PAPOLA: variants seen among roughly 807,000 people sequenced by gnomAD.
The protein encoded by PAPOLA is polynucleotide adenylyltransferase alpha.
PAPOLA carries 15 observed loss-of-function variants against 100.6 expected under a neutral mutation model. That is an observed-to-expected ratio of 0.15 (90% CI 0.10 to 0.23). PAPOLA has a LOEUF of 0.23. Ranked by LOEUF, PAPOLA falls within the 10% of genes least tolerant of loss-of-function variation. The pLI, the probability that PAPOLA is intolerant of heterozygous loss-of-function variation, is 1.00. For missense variants in PAPOLA, 533 were observed against 884.2 expected (o/e 0.60, Z 5.04); for synonymous variants, 293 against 300.0 (o/e 0.98, Z 0.24).
At chr14:96,538,914 T>TTTA (rs1451248080) in intron 12 of PAPOLA, among the ~76,000 whole-genome samples, 2 of 152,040 alleles carry the variant, frequency 1.3e-5, no homozygotes, top group Non-Finnish European at 2.9e-5. Context: ...TGTGTAGGAT[T>TTTA]TTAAATCATG....
chr14:96,548,525 G>A (rs997740217), intron 16 of PAPOLA, among the ~76,000 whole-genome samples: 2 of 151,948 alleles, frequency 1.3e-5, no homozygotes, highest in African/African-American at 2.4e-5. Flanking sequence ...TACAAATTAC[G>A]TTTTTTCTTT....
At chr14:96,535,577 T>TA in intron 10 of PAPOLA, 2 of 1,035,204 alleles carry the variant, frequency 1.9e-6, no homozygotes, top group Non-Finnish European at 2.3e-6. Flanking sequence ...TGTTGTTGAA[T>TA]AAAGAAAAAC....
rs1296696580 is a variant in PAPOLA at position 96,566,123 on chromosome 14, A to G, written c.*1073A>G. The G allele has an allele frequency of 7.7e-6, 3 of 391,470 alleles. No homozygotes were observed. The highest frequency in any genetic ancestry group is 6.2e-5 in the African/African-American group (3 of 48,456). 24.2% of individuals were successfully genotyped at this position (391,470 alleles called of 1,614,324 possible). A position where few individuals can be genotyped will look rare whatever the true frequency, so the allele number is the denominator to read the frequency against. On this transcript the variant is annotated 3_prime_UTR_variant, in exon 22 of 22. Coordinates refer to ENST00000216277, the MANE Select transcript of PAPOLA (RefSeq NM_032632.5). ...TACACTCCACAGAACTCCTATCTAT[A>G]GTAAAATTGATTTTCAGTTTTAAAT...
In PAPOLA at chr14:96,565,640, A is replaced by G. The variant is rs555987441; in HGVS notation, c.*590A>G. ...AAATGAAACGTCAACTCTAGGGTAC[A>G]TTTGACATTGAAAGAATAGTTAGGA... On this transcript the variant is annotated 3_prime_UTR_variant, in exon 22 of 22. Transcript: ENST00000216277. The G allele has an allele frequency of 6.8e-5, 27 of 396,520 alleles. No individual in the cohort carries two copies. The highest frequency in any genetic ancestry group is 1.3e-3 in the Middle Eastern group (2 of 1,578). The allele number at this position is 396,520 out of a possible 1,614,324, so 24.6% of individuals were successfully genotyped here.
At chr14:96,503,619 A>G (rs1896497561) in intron 1 of PAPOLA, among the ~76,000 whole-genome samples, 1 of 152,086 alleles carries the variant, frequency 6.6e-6, no homozygotes, top group Non-Finnish European at 1.5e-5. Context: ...CTTTGAGACC[A>G]GGGACCGAGT....
intron 1 of PAPOLA, among the ~76,000 whole-genome samples, chr14:96,517,766 C>T (rs1342101467): frequency 4.0e-5 from 6 of 148,546 alleles, no homozygotes; most frequent in Non-Finnish European, 7.4e-5. Context: ...TGCAGTGGCA[C>T]GATCTTGGCT....
intron 1 of PAPOLA, among the ~76,000 whole-genome samples, chr14:96,508,050 AT>A (rs1320467994): frequency 3.3e-5 from 5 of 151,850 alleles, no homozygotes; most frequent in Admixed American, 3.3e-4. Context: ...TAATTTTTGT[AT>A]TTTTAGTAGA....
intron 9 of PAPOLA, chr14:96,534,004 T>C: frequency 1.0e-6 from 1 of 986,786 alleles, no homozygotes; most frequent in Non-Finnish European, 1.2e-6. Flanking sequence ...GAAAATGTGG[T>C]TATGCCACCA....
At chr14:96,534,889 A>G in intron 10 of PAPOLA, 9 of 1,047,216 alleles carry the variant, frequency 8.6e-6, no homozygotes, top group Non-Finnish European at 1.0e-5. Context: ...GGATACTAAA[A>G]ATCCCTGTAT....
In PAPOLA at chr14:96,555,958, T is replaced by G. The variant is rs960190010; in HGVS notation, c.1765+11T>G. 1.3e-6 allele frequency: 2 copies of G among 1,541,680 alleles called. No individual in the cohort carries two copies. The highest frequency in any genetic ancestry group is 2.2e-5 in the South Asian group (2 of 88,986). On this transcript the variant is annotated intron_variant, in intron 18 of 21. Coordinates refer to ENST00000216277, the MANE Select transcript of PAPOLA (RefSeq NM_032632.5). Reference sequence around the variant, plus strand: ...GTGAAAGCTCAGGGGGTAAGGAGATTGGGTTTGTCAGGTTTGAGAATTCTT... The same window carrying G: ...GTGAAAGCTCAGGGGGTAAGGAGATGGGGTTTGTCAGGTTTGAGAATTCTT...
At chr14:96,520,347 T>C (rs1897845855) in intron 2 of PAPOLA, 119 bp downstream of exon 2, 1 of 742,276 alleles carries the variant, frequency 1.3e-6, no homozygotes, top group Non-Finnish European at 2.1e-6. Context: ...GATCTATATA[T>C]CTGTTTTGGA....
rs1481805800 is a variant in PAPOLA, at chr14:96,566,036, G to GTAA, written c.*988_*990dup. On this transcript the variant is annotated 3_prime_UTR_variant, in exon 22 of 22. Coordinates refer to ENST00000216277, the MANE Select transcript of PAPOLA (RefSeq NM_032632.5). ...GGCTGAAACTTGAGGGTGACTAAAA[G>GTAA]TAATGCCTGTGAAACATGATATCTA... 2 of 396,526 alleles carry GTAA rather than the reference G, an allele frequency of 5.0e-6. No individual in the cohort carries two copies. Among genetic ancestry groups the GTAA allele is most frequent in the African/African-American group, 2.1e-5 (1 of 48,554 alleles). 24.6% of individuals were successfully genotyped at this position (396,526 alleles called of 1,614,324 possible).
rs1355811697 is a variant in PAPOLA at position 96,502,536 on chromosome 14, C to T, written c.-57C>T. The T allele has an allele frequency of 1.4e-6, 2 of 1,398,476 alleles. No homozygotes were observed. Among genetic ancestry groups the T allele is most frequent in the Admixed American group, 2.0e-5 (1 of 50,266 alleles). 86.6% of individuals were successfully genotyped at this position (1,398,476 alleles called of 1,614,324 possible). On this transcript the variant is annotated 5_prime_UTR_variant, in exon 1 of 22. Transcript: ENST00000216277. ...CCGCCTCAGTGGATCATGCCCAGGG[C>T]GGCAGCGGCGGCGGTTGCGGGGGGG...
chr14:96,533,070 C>A, intron 9 of PAPOLA: 1 of 978,952 alleles, frequency 1.0e-6, no homozygotes, highest in Non-Finnish European at 1.2e-6. Flanking sequence ...TTTATTTGGC[C>A]TAATATTAAA....
chr14:96,556,609 T>G (rs1901359841), intron 19 of PAPOLA, among the ~76,000 whole-genome samples, 196 bp downstream of exon 19: 1 of 152,252 alleles, frequency 6.6e-6, no homozygotes, highest in Non-Finnish European at 1.5e-5. Flanking sequence ...TAACTACCTC[T>G]GCTATAAAGC....
chr14:96,536,892 A>G, intron 11 of PAPOLA, 84 bp from the exon 12 acceptor site: 1 of 759,850 alleles, frequency 1.3e-6, no homozygotes, highest in Non-Finnish European at 2.3e-6. Context: ...GATTATAGTG[A>G]GTGCATGTAG....
intron 19 of PAPOLA, among the ~76,000 whole-genome samples, chr14:96,559,116 G>A (rs2140333882): frequency 6.6e-6 from 1 of 151,748 alleles, no homozygotes; most frequent in East Asian, 1.9e-4. Context: ...AAGAAGATAA[G>A]GGGTATTAGG....
chr14:96,502,424 A>G lies in PAPOLA; in HGVS notation c.-169A>G, dbSNP rs770317594. 1.3e-4 allele frequency: 92 copies of G among 702,556 alleles called. No individual in the cohort carries two copies. In the African/African-American group the frequency reaches 1.3e-3, roughly 10 times the overall value. 43.5% of individuals were successfully genotyped at this position (702,556 alleles called of 1,614,324 possible). A position where few individuals can be genotyped will look rare whatever the true frequency, so the allele number is the denominator to read the frequency against. On this transcript the variant is annotated 5_prime_UTR_variant, in exon 1 of 22. Coordinates refer to ENST00000216277, the MANE Select transcript of PAPOLA (RefSeq NM_032632.5). ...GCGCTCGGGCGCCATGTTAGGACGA[A>G]GGGGAAGGAGGAGAAGCGCTTAAAG...
rs1180639710 is a variant in PAPOLA at position 96,534,401 on chromosome 14, A to T, written c.837-90A>T. 4.5e-6 allele frequency: 7 copies of T among 1,552,522 alleles called. No individual in the cohort carries two copies. The Admixed American group carries it at 5.8e-5, about 13-fold the overall frequency. On this transcript the variant is annotated intron_variant, in intron 9 of 21. Coordinates refer to ENST00000216277, the MANE Select transcript of PAPOLA (RefSeq NM_032632.5). ...TACCAAGAAGGCAGAATGAAGAAGG[A>T]TCACGTTCACAAATGCTGTATGTTT...
Sources: gnomAD v4.1 joint callset for allele counts (sites outside exome capture counted in the v4.1 genomes callset) on GRCh38, gnomAD v4.1.1 for gene constraint, MANE v1.5 for transcripts, NCBI Gene and HGNC (gene_info 2026-07-23, HGNC 2026-07-21) for gene names.